Variants in RGSL1 observed in about 807,000 individuals in gnomAD.
The protein encoded by RGSL1 is regulator of G protein signaling like 1.
Under a neutral mutation model 124.7 loss-of-function variants are expected in RGSL1, and 97 were observed. That is an observed-to-expected ratio of 0.78 (90% CI 0.66 to 0.92). RGSL1 has a LOEUF of 0.92. Ranked by LOEUF, RGSL1 falls within the 40% of genes least tolerant of loss-of-function variation. The pLI, the probability that RGSL1 is intolerant of heterozygous loss-of-function variation, is 0.00. For missense variants in RGSL1, 1,233 were observed against 1,288.4 expected (o/e 0.96, Z 0.66); for synonymous variants, 424 against 438.1 (o/e 0.97, Z 0.40).
At chr1:182,540,793 A>C (rs1263147787) in intron 15 of RGSL1, among the ~76,000 whole-genome samples, 1 of 152,206 alleles carries the variant, frequency 6.6e-6, no homozygotes, top group Non-Finnish European at 1.5e-5. Context: ...GTGTGTCTGT[A>C]TGACATTAAA....
intron 4 of RGSL1, among the ~76,000 whole-genome samples, chr1:182,467,682 A>G (rs1273908358): frequency 1.3e-5 from 2 of 152,242 alleles, no homozygotes; most frequent in Non-Finnish European, 2.9e-5. Flanking sequence ...AAACCTAGGC[A>G]ATACCATTCA....
At chr1:182,478,443 G>C (rs1379795213) in intron 6 of RGSL1, among the ~76,000 whole-genome samples, 1 of 152,128 alleles carries the variant, frequency 6.6e-6, no homozygotes, top group Non-Finnish European at 1.5e-5. Context: ...TCAACAGCAG[G>C]CTTGATTAGG....
intron 6 of RGSL1, among the ~76,000 whole-genome samples, chr1:182,482,690 C>G (rs1571537683): frequency 3.3e-5 from 5 of 152,118 alleles, no homozygotes; most frequent in Admixed American, 3.3e-4. Context: ...ATTGGTGTGA[C>G]CAGTATGGAA....
intron 13 of RGSL1, among the ~76,000 whole-genome samples, chr1:182,531,963 C>CA (rs1241209671): frequency 2.6e-5 from 4 of 152,156 alleles, no homozygotes; most frequent in Non-Finnish European, 5.9e-5. Flanking sequence ...GCTCCAGACT[C>CA]AAAGTTTTTT....
intron 9 of RGSL1, among the ~76,000 whole-genome samples, chr1:182,507,487 T>C (rs965521402): frequency 6.6e-6 from 1 of 152,244 alleles, no homozygotes; most frequent in African/African-American, 2.4e-5. Context: ...GATATTTGTC[T>C]TTCTGTGCTT....
chr1:182,507,740 T>G (rs1353682873), intron 9 of RGSL1, among the ~76,000 whole-genome samples: 10 of 152,064 alleles, frequency 6.6e-5, no homozygotes, highest in Non-Finnish European at 1.3e-4. Flanking sequence ...TCTGTCTCTG[T>G]CACTCAGGCT....
At chr1:182,542,545 A>G (rs539215174) in intron 15 of RGSL1, among the ~76,000 whole-genome samples, 1 of 150,776 alleles carries the variant, frequency 6.6e-6, no homozygotes, top group African/African-American at 2.4e-5. Flanking sequence ...TTGACTATTC[A>G]GGGTCTTTTG....
At chr1:182,499,914 A>G (rs1656224231) in intron 9 of RGSL1, among the ~76,000 whole-genome samples, 1 of 152,078 alleles carries the variant, frequency 6.6e-6, no homozygotes, top group South Asian at 2.1e-4. Context: ...TAGATACTAG[A>G]TTTTTACCAG....
At chr1:182,488,210 A>T in intron 6 of RGSL1, 75 bp from the exon 7 acceptor site, 1 of 1,391,656 alleles carries the variant, frequency 7.2e-7, no homozygotes, top group South Asian at 1.3e-5. Context: ...CTCTGCTCCC[A>T]GGTGAACATA....
chr1:182,485,318 T>C (rs147728254), intron 6 of RGSL1, among the ~76,000 whole-genome samples: 117 of 152,326 alleles, frequency 7.7e-4, no homozygotes, highest in African/African-American at 2.7e-3. Context: ...CTGTTACTCC[T>C]TCAATGTACA....
chr1:182,542,793 G>C (rs1659975780), intron 15 of RGSL1, among the ~76,000 whole-genome samples: 1 of 151,838 alleles, frequency 6.6e-6, no homozygotes, highest in African/African-American at 2.4e-5. Flanking sequence ...TTAATTCCTA[G>C]GTATTTTATG....
intron 4 of RGSL1, among the ~76,000 whole-genome samples, chr1:182,463,848 A>G (rs1288577394): frequency 6.6e-6 from 1 of 152,224 alleles, no homozygotes; most frequent in East Asian, 1.9e-4. Flanking sequence ...CTTCAACAAT[A>G]CATTAAACTA....
intron 6 of RGSL1, among the ~76,000 whole-genome samples, chr1:182,476,131 A>G (rs985823820): frequency 6.6e-6 from 1 of 152,158 alleles, no homozygotes; most frequent in Non-Finnish European, 1.5e-5. Context: ...TAATTTCAGA[A>G]TAGATCAGTC....
intron 9 of RGSL1, among the ~76,000 whole-genome samples, chr1:182,512,119 C>T (rs1348633600): frequency 1.3e-5 from 2 of 152,140 alleles, no homozygotes; most frequent in African/African-American, 4.8e-5. Flanking sequence ...AGTTCTAACA[C>T]TGCTATTACT....
At chr1:182,456,983 C>A (rs1263189903) in intron 2 of RGSL1, among the ~76,000 whole-genome samples, 1 of 152,028 alleles carries the variant, frequency 6.6e-6, no homozygotes, top group Non-Finnish European at 1.5e-5. Flanking sequence ...CCCATCTCTA[C>A]TGAAAATATA....
chr1:182,555,095 C>T lies in RGSL1; in HGVS notation c.3197+402C>T. 1.1e-5 allele frequency: 2 copies of T among 178,746 alleles called. 1 individual carries two copies. The highest frequency in any genetic ancestry group is 2.8e-4 in the East Asian group (2 of 7,110). 11.1% of individuals were successfully genotyped at this position (178,746 alleles called of 1,614,324 possible). On this transcript the variant is annotated intron_variant, in intron 20 of 21. Transcript: ENST00000294854. ...GTGTAGTCATGATCCAAATAGTATA[C>T]ATTGTGCCCATTAGGTAATTTCTCA...
intron 1 of RGSL1, among the ~76,000 whole-genome samples, chr1:182,452,346 G>A (rs911485607): frequency 6.6e-6 from 1 of 152,002 alleles, no homozygotes. Context: ...CTTGGGAGGG[G>A]TACACATAAA....
intron 8 of RGSL1, 97 bp downstream of exon 8, chr1:182,489,299 T>C: frequency 1.8e-6 from 2 of 1,089,122 alleles, no homozygotes; most frequent in Non-Finnish European, 2.6e-6. Context: ...GTCAGCACTA[T>C]GCAGTGCAGG....
chr1:182,516,233 C>A (rs1463785698), intron 9 of RGSL1, among the ~76,000 whole-genome samples: 1 of 151,800 alleles, frequency 6.6e-6, no homozygotes, highest in Non-Finnish European at 1.5e-5. Flanking sequence ...AGCAGAAATG[C>A]CTGTTCCCAT....
Sources: gnomAD v4.1 joint callset for allele counts (sites outside exome capture counted in the v4.1 genomes callset) on GRCh38, gnomAD v4.1.1 for gene constraint, MANE v1.5 for transcripts, NCBI Gene and HGNC (gene_info 2026-07-23, HGNC 2026-07-21) for gene names.